Variants in LRRN4CL observed in about 807,000 individuals in gnomAD.
The protein encoded by LRRN4CL is LRRN4 C-terminal like.
For synonymous variants in LRRN4CL, 156 were observed against 154.1 expected (o/e 1.01, Z -0.09); for missense variants, 348 against 336.4 (o/e 1.03, Z -0.27).
Position 62,687,652 on chromosome 11 carries a change from G to A in LRRN4CL, c.*140C>T, listed in dbSNP as rs1047390166. On this transcript the variant is annotated 3_prime_UTR_variant, in exon 2 of 2. Coordinates refer to ENST00000317449, the MANE Select transcript of LRRN4CL (RefSeq NM_203422.4). ...GCTCAGTCCTGAGAACCATGACTCC[G>A]CCGTGGCCCTGGAGCCTGGGGCTGG... The A allele has an allele frequency of 9.9e-5, 63 of 635,166 alleles. No individual in the cohort carries two copies. The South Asian group carries it at 1.4e-3, about 14-fold the overall frequency. The allele number at this position is 635,166 out of a possible 1,614,324, so 39.3% of individuals were successfully genotyped here. A position where few individuals can be genotyped will look rare whatever the true frequency, so the allele number is the denominator to read the frequency against.
In LRRN4CL at chr11:62,687,644, A is replaced by G; in HGVS notation, c.*148T>C. ...AAACAAGCGCTCAGTCCTGAGAACCATGACTCCGCCGTGGCCCTGGAGCCT... is the reference window on the plus strand; with the variant it reads ...AAACAAGCGCTCAGTCCTGAGAACCGTGACTCCGCCGTGGCCCTGGAGCCT... On this transcript the variant is annotated 3_prime_UTR_variant, in exon 2 of 2. Coordinates refer to ENST00000317449, the MANE Select transcript of LRRN4CL (RefSeq NM_203422.4). 1.7e-6 allele frequency: 1 copy of G among 601,164 alleles called. No homozygotes were observed. The allele number at this position is 601,164 out of a possible 1,614,324, so 37.2% of individuals were successfully genotyped here.
At position 62,687,972 on chromosome 11, in the gene LRRN4CL, G is replaced by A. The variant is rs763823153; in HGVS notation, c.537C>T (p.Ala179=). 6 of 1,604,184 alleles carry A rather than the reference G, an allele frequency of 3.7e-6. No homozygotes were observed. The highest frequency in any genetic ancestry group is 5.1e-6 in the Non-Finnish European group (6 of 1,175,544). ...CCGCAAGGCGGCTGCAAGGCCCGAA[G>A]GCAGGGATGTCGGCCCCCTCGAGGC... The part of the protein sequence containing the change: ...GEGLEGADIP[A]FGPCSRLAVP... Residue 179 remains alanine, a synonymous_variant, in exon 2 of 2, where the codon GCC becomes GCT. Transcript: ENST00000317449.
chr11:62,687,658 G>A lies in LRRN4CL; in HGVS notation c.*134C>T, dbSNP rs1040498669. On this transcript the variant is annotated 3_prime_UTR_variant, in exon 2 of 2. Coordinates refer to ENST00000317449, the MANE Select transcript of LRRN4CL (RefSeq NM_203422.4). ...TCCTGAGAACCATGACTCCGCCGTG[G>A]CCCTGGAGCCTGGGGCTGGCTCCCA... is the stretch of plus-strand genomic sequence containing the variant. 2.5e-5 allele frequency: 17 copies of A among 677,958 alleles called. No homozygotes were observed. The highest frequency in any genetic ancestry group is 3.7e-5 in the Non-Finnish European group (17 of 454,760). The allele number at this position is 677,958 out of a possible 1,614,324, so 42.0% of individuals were successfully genotyped here.
rs900219686 is a variant in LRRN4CL, at chr11:62,688,009, G to T, written c.500C>A (p.Ala167Asp). Residue 167 changes from alanine (A) to aspartate (D), a missense_variant, in exon 2 of 2, where the codon GCT (alanine) becomes GAT (aspartate). Transcript: ENST00000317449. ...NEAGASRVPQAGGEGLEGADI... is the reference protein window; with the variant it reads ...NEAGASRVPQDGGEGLEGADI... ...GGCCCCCTCGAGGCCCTCTCCTCCA[G>T]CCTGGGGCACGCGGCTTGCCCCGGC... 6.2e-7 allele frequency: 1 copy of T among 1,612,252 alleles called. No individual in the cohort carries two copies. Among genetic ancestry groups the T allele is most frequent in the Non-Finnish European group, 8.5e-7 (1 of 1,179,762 alleles).
In LRRN4CL at chr11:62,688,128, C is replaced by T; in HGVS notation, c.381G>A (p.Lys127=). The T allele has an allele frequency of 6.2e-7, 1 of 1,612,424 alleles. No individual in the cohort carries two copies. The highest frequency in any genetic ancestry group is 8.5e-7 in the Non-Finnish European group (1 of 1,179,802). Residue 127 remains lysine (K), a synonymous_variant, in exon 2 of 2, where the codon AAG becomes AAA. Coordinates refer to ENST00000317449, the MANE Select transcript of LRRN4CL (RefSeq NM_203422.4). ...LLWDGSEAAQ[K]GPPLNATVRR... ...GGACCGTAGCGTTCAGCGGGGGCCCCTTCTGCGCAGCCTCGCTGCCGTCCC... is the reference window on the plus strand; with the variant it reads ...GGACCGTAGCGTTCAGCGGGGGCCCTTTCTGCGCAGCCTCGCTGCCGTCCC...
At position 62,688,032 on chromosome 11, in the gene LRRN4CL, G is replaced by T. The variant is rs748469565; in HGVS notation, c.477C>A (p.Ala159=). Residue 159 remains alanine, a synonymous_variant, in exon 2 of 2, where the codon GCC becomes GCA. Coordinates refer to ENST00000317449, the MANE Select transcript of LRRN4CL (RefSeq NM_203422.4). Reference sequence around the variant, plus strand: ...CAGCCTGGGGCACGCGGCTTGCCCCGGCCTCGTTAGCGGCCACTACGCAAA... The same window carrying T: ...CAGCCTGGGGCACGCGGCTTGCCCCTGCCTCGTTAGCGGCCACTACGCAAA... The part of the protein sequence containing the change: ...YVVCVVAANE[A]GASRVPQAGG... 1 of 1,612,328 alleles carries T rather than the reference G, an allele frequency of 6.2e-7. No homozygotes were observed. Among genetic ancestry groups the T allele is most frequent in the African/African-American group, 1.3e-5 (1 of 74,926 alleles).
Position 62,687,872 on chromosome 11 carries a change from C to A in LRRN4CL, c.637G>T (p.Ala213Ser). Reference protein sequence around the residue: ...GTALALLSCAALVWHFCLRDR... With the variant: ...GTALALLSCASLVWHFCLRDR... ...CGCAGGCAGAAGTGCCACACCAGGG[C>A]GGCACAGCTTAGCAGGGCCAGGGCC... The change falls in exon 2 of 2, where the codon GCC becomes TCC. Residue 213 changes from alanine (A) to serine (S), a missense_variant. Ala to Ser is a moderately conservative substitution (Grantham distance 99). Coordinates refer to ENST00000317449, the MANE Select transcript of LRRN4CL (RefSeq NM_203422.4). The A allele has an allele frequency of 1.4e-6, 2 of 1,451,438 alleles. No individual in the cohort carries two copies. Among genetic ancestry groups the A allele is most frequent in the South Asian group, 2.9e-5 (2 of 69,088 alleles). 89.9% of individuals were successfully genotyped at this position (1,451,438 alleles called of 1,614,324 possible).
rs771167822 is a variant in LRRN4CL, at chr11:62,688,473, G to A, written c.36C>T (p.Ala12=). The change falls in exon 2 of 2, where the codon GCC becomes GCT. Residue 12 remains alanine, a synonymous_variant. Coordinates refer to ENST00000317449, the MANE Select transcript of LRRN4CL (RefSeq NM_203422.4). ...LGSPCLLWLL[A]VTFLVPRAQP... Reference sequence around the variant, plus strand: ...GAGCTCTGGGAACCAAGAAGGTCACGGCCAGGAGCCACAGAAGGCAGGGAG... The same window carrying A: ...GAGCTCTGGGAACCAAGAAGGTCACAGCCAGGAGCCACAGAAGGCAGGGAG... 69 of 1,598,352 alleles carry A rather than the reference G, an allele frequency of 4.3e-5. No individual in the cohort carries two copies. The highest frequency in any genetic ancestry group is 5.5e-5 in the Non-Finnish European group (65 of 1,179,698).
At chr11:62,689,305 A>G (rs1188366126) in intron 1 of LRRN4CL, 122 bp downstream of exon 1, 1 of 152,018 alleles carries the variant, frequency 6.6e-6, no homozygotes, top group African/African-American at 2.4e-5. Context: ...TTTGAAAACA[A>G]GAGAAAAAAA....
At chr11:62,688,736 T>C (rs1232101409) in intron 1 of LRRN4CL, among the ~76,000 whole-genome samples, 3 of 152,192 alleles carry the variant, frequency 2.0e-5, no homozygotes, top group African/African-American at 7.2e-5. Context: ...ATGAGACAGA[T>C]GCATGATCAG....
At position 62,688,148 on chromosome 11, in the gene LRRN4CL, C is replaced by T. The variant is rs759638046; in HGVS notation, c.361G>A (p.Gly121Ser). ...GGCCCCTTCTGCGCAGCCTCGCTGC[C>T]GTCCCAAAGCAGCAGCCAGTAGTGG... ...VLHYWLLLWDGSEAAQKGPPL... is the reference protein window; with the variant it reads ...VLHYWLLLWDSSEAAQKGPPL... The change falls in exon 2 of 2, where the codon GGC (glycine) becomes AGC (serine). Residue 121 changes from glycine (G) to serine (S), a missense_variant. Coordinates refer to ENST00000317449, the MANE Select transcript of LRRN4CL (RefSeq NM_203422.4). The T allele has an allele frequency of 6.2e-7, 1 of 1,612,332 alleles. No individual in the cohort carries two copies. The highest frequency in any genetic ancestry group is 8.5e-7 in the Non-Finnish European group (1 of 1,179,750).
chr11:62,688,512 G>A lies in LRRN4CL; in HGVS notation c.-4C>T. 6.3e-7 allele frequency: 1 copy of A among 1,590,482 alleles called. No homozygotes were observed. Among genetic ancestry groups the A allele is most frequent in the Non-Finnish European group, 8.5e-7 (1 of 1,175,562 alleles). On this transcript the variant is annotated splice_region_variant and 5_prime_UTR_variant, in exon 2 of 2. Transcript: ENST00000317449. ...GAAGGCAGGGAGAGCCCAGCATGGA[G>A]ACTGGAAGGGAAGGGGTGGATAGAT... is the stretch of plus-strand genomic sequence containing the variant.
rs1565140993 is a variant in LRRN4CL at position 62,688,494 on chromosome 11, G to C, written c.15C>G (p.Pro5=). 1.3e-6 allele frequency: 2 copies of C among 1,597,394 alleles called. No homozygotes were observed. Among genetic ancestry groups the C allele is most frequent in the Non-Finnish European group, 1.7e-6 (2 of 1,179,162 alleles). The change falls in exon 2 of 2, where the codon CCC becomes CCG. Residue 5 remains proline, a synonymous_variant. Coordinates refer to ENST00000317449, the MANE Select transcript of LRRN4CL (RefSeq NM_203422.4). ...TCACGGCCAGGAGCCACAGAAGGCA[G>C]GGAGAGCCCAGCATGGAGACTGGAA... MLGS[P]CLLWLLAVTF... is the part of the protein sequence containing the mutation.
rs1331814716 is a variant in LRRN4CL at position 62,688,124 on chromosome 11, G to A, written c.385C>T (p.Pro129Ser). ...CTGCGGACCGTAGCGTTCAGCGGGG[G>A]CCCCTTCTGCGCAGCCTCGCTGCCG... ...WDGSEAAQKG[P>S]PLNATVRRAE... Residue 129 changes from proline (P) to serine (S), a missense_variant, in exon 2 of 2, where the codon CCC becomes TCC. Physicochemically the swap from Pro to Ser is moderately conservative, Grantham distance 74. Coordinates refer to ENST00000317449, the MANE Select transcript of LRRN4CL (RefSeq NM_203422.4). 1.9e-6 allele frequency: 3 copies of A among 1,612,404 alleles called. No homozygotes were observed. Among genetic ancestry groups the A allele is most frequent in the Non-Finnish European group, 2.5e-6 (3 of 1,179,776 alleles).
Position 62,688,421 on chromosome 11 carries a change from C to T in LRRN4CL, c.88G>A (p.Glu30Lys). ...AQPLAPQDFE[E>K]EEADETETAW... ...GTCTCAGTCTCATCTGCCTCCTCTTCTTCAAAGTCTTGAGGGGCCAAGGGC... is the reference window on the plus strand; with the variant it reads ...GTCTCAGTCTCATCTGCCTCCTCTTTTTCAAAGTCTTGAGGGGCCAAGGGC... The change falls in exon 2 of 2, where the codon GAA becomes AAA. Residue 30 changes from glutamate to lysine, a missense_variant. Coordinates refer to ENST00000317449, the MANE Select transcript of LRRN4CL (RefSeq NM_203422.4). The T allele has an allele frequency of 6.2e-7, 1 of 1,601,034 alleles. No individual in the cohort carries two copies. Among genetic ancestry groups the T allele is most frequent in the Non-Finnish European group, 8.5e-7 (1 of 1,179,964 alleles).
chr11:62,688,070 C>A lies in LRRN4CL; in HGVS notation c.439G>T (p.Gly147Cys), dbSNP rs767395300. 6.2e-7 allele frequency: 1 copy of A among 1,612,698 alleles called. No individual in the cohort carries two copies. Among genetic ancestry groups the A allele is most frequent in the African/African-American group, 1.3e-5 (1 of 75,056 alleles). ...RAELKGLKPG[G>C]IYVVCVVAAN... is the part of the protein sequence containing the mutation. Reference sequence around the variant, plus strand: ...GCCACTACGCAAACGACATAAATGCCCCCTGGCTTCAGCCCCTTCAGTTCG... The same window carrying A: ...GCCACTACGCAAACGACATAAATGCACCCTGGCTTCAGCCCCTTCAGTTCG... The change falls in exon 2 of 2, where the codon GGC becomes TGC. Residue 147 changes from glycine (G) to cysteine (C), a missense_variant. Transcript: ENST00000317449.
Position 62,688,038 on chromosome 11 carries a change from G to A in LRRN4CL, c.471C>T (p.Asn157=), listed in dbSNP as rs904051002. ...GGGGCACGCGGCTTGCCCCGGCCTCGTTAGCGGCCACTACGCAAACGACAT... is the reference window on the plus strand; with the variant it reads ...GGGGCACGCGGCTTGCCCCGGCCTCATTAGCGGCCACTACGCAAACGACAT... The part of the protein sequence containing the change: ...GIYVVCVVAA[N]EAGASRVPQA... The change falls in exon 2 of 2, where the codon AAC becomes AAT. Residue 157 remains asparagine, a synonymous_variant. Coordinates refer to ENST00000317449, the MANE Select transcript of LRRN4CL (RefSeq NM_203422.4). 8 of 1,612,518 alleles carry A rather than the reference G, an allele frequency of 5.0e-6. No individual in the cohort carries two copies. The highest frequency in any genetic ancestry group is 6.8e-6 in the Non-Finnish European group (8 of 1,179,862).
chr11:62,687,926 G>C lies in LRRN4CL; in HGVS notation c.583C>G (p.Leu195Val), dbSNP rs780278418. Residue 195 changes from leucine to valine, a missense_variant, in exon 2 of 2, where the codon CTG becomes GTG. Coordinates refer to ENST00000317449, the MANE Select transcript of LRRN4CL (RefSeq NM_203422.4). The stretch of plus-strand genomic sequence containing the variant: ...CCCACCCCGACGGCCGCGTGGACCA[G>C]AGTGCGGGGGTTGGGCGGCACCGCA... The part of the protein sequence containing the change: ...RLAVPPNPRT[L>V]VHAAVGVGTA... 3.2e-6 allele frequency: 5 copies of C among 1,542,140 alleles called. No individual in the cohort carries two copies. In the African/African-American group the frequency reaches 5.5e-5, roughly 17 times the overall value.
chr11:62,686,485 C>G lies in LRRN4CL; in HGVS notation c.*1307G>C, dbSNP rs1945198242. ...GGAGGGTAAAAGGGGGGGGAGATTCCTTGGTATTACTGTCGTTTTTGTTTT... is the reference window on the plus strand; with the variant it reads ...GGAGGGTAAAAGGGGGGGGAGATTCGTTGGTATTACTGTCGTTTTTGTTTT... On this transcript the variant is annotated 3_prime_UTR_variant, in exon 2 of 2. Coordinates refer to ENST00000317449, the MANE Select transcript of LRRN4CL (RefSeq NM_203422.4). 6.6e-6 allele frequency: 1 copy of G among 151,854 alleles called. No homozygotes were observed. Among genetic ancestry groups the G allele is most frequent in the African/African-American group, 2.4e-5 (1 of 41,326 alleles). The allele number at this position is 151,854 out of a possible 1,614,324, so 9.4% of individuals were successfully genotyped here.
Sources: allele counts gnomAD v4.1 joint callset (sites outside exome capture counted in the v4.1 genomes callset), GRCh38; gene constraint gnomAD v4.1.1; transcripts MANE v1.5; gene names NCBI Gene and HGNC (gene_info 2026-07-23, HGNC 2026-07-21).